Variants in PITPNC1 observed in about 807,000 individuals in gnomAD.
PITPNC1 encodes the protein cytoplasmic phosphatidylinositol transfer protein 1.
A neutral mutation model predicts 44.7 loss-of-function variants in PITPNC1; 18 were observed. The observed-to-expected ratio is 0.40, with a 90% CI of 0.28 to 0.60. The LOEUF (loss-of-function observed/expected upper bound fraction) is 0.60, where lower values mean the gene tolerates loss of function less well. Ranked by LOEUF, PITPNC1 falls within the 20% of genes least tolerant of loss-of-function variation. The pLI, the probability that PITPNC1 is intolerant of heterozygous loss-of-function variation, is 0.39. For synonymous variants in PITPNC1, 141 were observed against 149.6 expected (o/e 0.94, Z 0.42); for missense variants, 290 against 418.4 (o/e 0.69, Z 2.68).
At chr17:67,419,810 G>A (rs1344402897) in intron 1 of PITPNC1, among the ~76,000 whole-genome samples, 2 of 152,048 alleles carry the variant, frequency 1.3e-5, no homozygotes, top group African/African-American at 2.4e-5. Flanking sequence ...GGAGGCTGAG[G>A]CAGAAGAATT....
intron 5 of PITPNC1, among the ~76,000 whole-genome samples, chr17:67,628,327 T>C (rs191415786): frequency 1.3e-5 from 2 of 152,188 alleles, no homozygotes; most frequent in Admixed American, 1.3e-4. Context: ...TTGTAGTCCC[T>C]CAAGCCCAGG....
intron 2 of PITPNC1, among the ~76,000 whole-genome samples, chr17:67,538,160 T>G (rs2040555157): frequency 6.6e-6 from 1 of 152,030 alleles, no homozygotes; most frequent in Non-Finnish European, 1.5e-5. Flanking sequence ...CCCAGACAGA[T>G]CCAAGCCATT....
chr17:67,453,998 G>A (rs1366324134), intron 1 of PITPNC1, among the ~76,000 whole-genome samples: 1 of 152,064 alleles, frequency 6.6e-6, no homozygotes, highest in Non-Finnish European at 1.5e-5. Context: ...GTCGGTAATC[G>A]CCAGCATTTT....
At chr17:67,653,073 G>A (rs898640544) in intron 6 of PITPNC1, among the ~76,000 whole-genome samples, 1 of 152,154 alleles carries the variant, frequency 6.6e-6, no homozygotes, top group African/African-American at 2.4e-5. Context: ...CTTGAGGTCA[G>A]GAGTTCAAGA....
chr17:67,675,667 G>A (rs532598511), intron 8 of PITPNC1, 125 bp downstream of exon 8: 1 of 709,196 alleles, frequency 1.4e-6, no homozygotes, highest in South Asian at 1.6e-5. Context: ...TTCCTGTGTT[G>A]GAAATAGCAC....
chr17:67,495,049 TTTG>T lies in PITPNC1; in HGVS notation c.49-37750_49-37748del, dbSNP rs1176943400. ...ATTGAGCCATGGAGTTGTTTTTTTTTTTGTTTTTTTTTTTTTTTTTTTTTTGAG... is the reference window on the plus strand; with the variant it reads ...ATTGAGCCATGGAGTTGTTTTTTTTTTTTTTTTTTTTTTTTTTTTTTTGAG... On this transcript the variant is annotated intron_variant, in intron 1 of 8. Transcript: ENST00000581322. 1.8e-3 allele frequency among the ~76,000 whole-genome samples: 113 copies of T among 62,898 alleles called. 2 individuals are homozygous for T. The highest frequency in any genetic ancestry group is 4.6e-3 in the African/African-American group (68 of 14,684). 41.3% of individuals were successfully genotyped at this position (62,898 alleles called of 152,430 possible).
intron 8 of PITPNC1, among the ~76,000 whole-genome samples, chr17:67,682,206 G>GA (rs1013903179): frequency 2.7e-4 from 41 of 151,772 alleles, no homozygotes; most frequent in African/African-American, 9.9e-4. Context: ...TCTCAAAAAA[G>GA]AAAAAAAGAA....
intron 1 of PITPNC1, among the ~76,000 whole-genome samples, chr17:67,439,907 C>A (rs1350018257): frequency 6.6e-6 from 1 of 152,044 alleles, no homozygotes; most frequent in East Asian, 1.9e-4. Flanking sequence ...AACAAACAAA[C>A]AAACAAAAAA....
At chr17:67,381,726 A>G (rs1021544013) in intron 1 of PITPNC1, among the ~76,000 whole-genome samples, 29 of 152,008 alleles carry the variant, frequency 1.9e-4, no homozygotes, top group African/African-American at 6.5e-4. Flanking sequence ...TTGGCCTCCC[A>G]AAGGCGTGAG....
chr17:67,622,997 G>A (rs2706671), intron 5 of PITPNC1, among the ~76,000 whole-genome samples: 5,342 of 151,882 alleles, frequency 0.035, 212 homozygotes, highest in African/African-American at 0.09. Flanking sequence ...CAGAGCATGA[G>A]CGGGACAACA....
intron 5 of PITPNC1, among the ~76,000 whole-genome samples, chr17:67,601,246 G>T (rs565596481): frequency 1.3e-5 from 2 of 152,096 alleles, no homozygotes; most frequent in Non-Finnish European, 2.9e-5. Flanking sequence ...GACAGATCAC[G>T]TACAAAGGGA....
intron 1 of PITPNC1, among the ~76,000 whole-genome samples, chr17:67,476,513 G>A (rs939649481): frequency 2.0e-5 from 3 of 152,014 alleles, no homozygotes; most frequent in Non-Finnish European, 2.9e-5. Context: ...AGGTCCATAT[G>A]TCTGCTTGAT....
chr17:67,620,731 C>T lies in PITPNC1; in HGVS notation c.367-11412C>T, dbSNP rs77122240. 2.8e-3 allele frequency among the ~76,000 whole-genome samples: 426 copies of T among 152,252 alleles called. 2 individuals carry two copies. Among genetic ancestry groups the T allele is most frequent in the African/African-American group, 9.9e-3 (413 of 41,542 alleles). ...AGTTTACCCAGCAGCTAAGACGATC[C>T]GGCCTAACCCTGATGGATGAGTTTC... On this transcript the variant is annotated intron_variant, in intron 5 of 8. Transcript: ENST00000581322.
At chr17:67,498,004 G>T (rs2039978734) in intron 1 of PITPNC1, among the ~76,000 whole-genome samples, 2 of 151,890 alleles carry the variant, frequency 1.3e-5, no homozygotes, top group Non-Finnish European at 2.9e-5. Flanking sequence ...GGGACCACAG[G>T]CATGCGCCAC....
intron 1 of PITPNC1, among the ~76,000 whole-genome samples, chr17:67,424,765 G>A (rs1419383971): frequency 1.3e-5 from 2 of 151,894 alleles, no homozygotes; most frequent in Non-Finnish European, 1.5e-5. Flanking sequence ...TGGCGTGATC[G>A]GCTCGCTGCA....
intron 1 of PITPNC1, among the ~76,000 whole-genome samples, chr17:67,511,900 A>G (rs968593474): frequency 5.3e-5 from 8 of 152,226 alleles, no homozygotes; most frequent in Non-Finnish European, 7.3e-5. Context: ...TCCCATTGCA[A>G]AACTCTAGGG....
At chr17:67,504,520 T>C (rs1308735053) in intron 1 of PITPNC1, among the ~76,000 whole-genome samples, 2 of 152,220 alleles carry the variant, frequency 1.3e-5, no homozygotes, top group Non-Finnish European at 2.9e-5. Flanking sequence ...CAGGAATGGC[T>C]AAAGTCTCTC....
intron 1 of PITPNC1, among the ~76,000 whole-genome samples, chr17:67,477,934 T>A (rs2039653211): frequency 6.6e-6 from 1 of 152,140 alleles, no homozygotes; most frequent in African/African-American, 2.4e-5. Context: ...GTCAGGCCTG[T>A]GGGCTGCCTC....
At chr17:67,535,597 A>G (rs1031394156) in intron 2 of PITPNC1, among the ~76,000 whole-genome samples, 2 of 152,228 alleles carry the variant, frequency 1.3e-5, no homozygotes, top group African/African-American at 4.8e-5. Context: ...AGTAATAAAC[A>G]TTAGTAAGAG....
Sources: allele counts gnomAD v4.1 joint callset (sites outside exome capture counted in the v4.1 genomes callset), GRCh38; gene constraint gnomAD v4.1.1; transcripts MANE v1.5; gene names NCBI Gene and HGNC (gene_info 2026-07-23, HGNC 2026-07-21).